CARD14: variants seen among roughly 807,000 people sequenced by gnomAD.
CARD14 encodes caspase recruitment domain family member 14.
Under a neutral mutation model 111.5 loss-of-function variants are expected in CARD14, and 107 were observed. The observed-to-expected ratio is 0.96, with a 90% CI of 0.82 to 1.13. The LOEUF (loss-of-function observed/expected upper bound fraction) is 1.13. Ranked by LOEUF, CARD14 falls within the 50% of genes most tolerant of loss-of-function variation. The pLI, the probability that CARD14 is intolerant of heterozygous loss-of-function variation, is 0.00. For synonymous variants in CARD14, 617 were observed against 579.6 expected, an observed-to-expected ratio of 1.06 and a Z score of -0.93; for missense variants, 1,322 against 1,362.3, an observed-to-expected ratio of 0.97 and a Z score of 0.47.
chr17:80,184,204 T>A lies in CARD14; in HGVS notation c.641T>A (p.Leu214Gln). 1 of 1,548,886 alleles carries A rather than the reference T, an allele frequency of 6.5e-7. No homozygotes were observed. Among genetic ancestry groups the A allele is most frequent in the South Asian group, 1.2e-5 (1 of 83,030 alleles). Residue 214 changes from leucine (L) to glutamine (Q), a missense_variant, in exon 7 of 24, where the codon CTG becomes CAG. Leu to Gln is a moderately radical substitution (Grantham distance 113, BLOSUM62 -2). Coordinates refer to ENST00000648509, the MANE Select transcript of CARD14 (RefSeq NM_001366385.1). ...HYSNALQEKELAASRCRSLQE... is the reference protein window; with the variant it reads ...HYSNALQEKEQAASRCRSLQE... ...AGCAATGCGCTGCAGGAGAAGGAGC[T>A]GGCCGCCTCACGCTGCCGCAGCCTG...
At position 80,170,042 on chromosome 17, in the gene CARD14, C is replaced by T. The variant is rs2039857442; in HGVS notation, c.-704C>T. ...TTGGGCCACATTCAGTCCTCGCTTC[C>T]CTGGGAGGGGGAAGGTAAGTGCGCG... On this transcript the variant is annotated 5_prime_UTR_variant, in exon 1 of 24. Transcript: ENST00000648509. The T allele has an allele frequency of 6.6e-6, 1 of 152,224 alleles. No individual in the cohort carries two copies. 9.4% of individuals were successfully genotyped at this position (152,224 alleles called of 1,614,324 possible).
Position 80,208,516 on chromosome 17 carries a change from C to T in CARD14, c.*171C>T. The T allele has an allele frequency of 1.8e-6, 1 of 562,406 alleles. No individual in the cohort carries two copies. The highest frequency in any genetic ancestry group is 1.9e-5 in the African/African-American group (1 of 53,094). 34.8% of individuals were successfully genotyped at this position (562,406 alleles called of 1,614,324 possible). On this transcript the variant is annotated 3_prime_UTR_variant, in exon 24 of 24. Transcript: ENST00000648509. ...ACCCTCACCACGTGCAGGTCACACACAGTGAAGCCACTTGTAACTGCACAC... is the reference window on the plus strand; with the variant it reads ...ACCCTCACCACGTGCAGGTCACACATAGTGAAGCCACTTGTAACTGCACAC...
chr17:80,187,728 C>T (rs2040391995), intron 7 of CARD14: 2 of 984,636 alleles, frequency 2.0e-6, no homozygotes, highest in East Asian at 1.1e-4. Context: ...TCCTGCCTCC[C>T]CAGGGCTGCC....
intron 22 of CARD14, among the ~76,000 whole-genome samples, chr17:80,206,421 C>T (rs899824272): frequency 6.6e-6 from 1 of 152,182 alleles, no homozygotes; most frequent in African/African-American, 2.4e-5. Context: ...TGAGACCAGC[C>T]TGAGCAACAC....
chr17:80,174,498 C>T (rs1598622381), intron 2 of CARD14, among the ~76,000 whole-genome samples: 1 of 152,316 alleles, frequency 6.6e-6, no homozygotes, highest in Middle Eastern at 3.4e-3. Context: ...CAGGCGTGAG[C>T]CACGTCGCCT....
chr17:80,198,449 C>G lies in CARD14; in HGVS notation c.1709C>G (p.Thr570Ser). The G allele has an allele frequency of 6.2e-7, 1 of 1,611,936 alleles. No individual in the cohort carries two copies. Among genetic ancestry groups the G allele is most frequent in the Non-Finnish European group, 8.5e-7 (1 of 1,178,894 alleles). The change falls in exon 16 of 24, where the codon ACC becomes AGC. Residue 570 changes from threonine to serine, a missense_variant. Transcript: ENST00000648509. This position sits in a 1 kb window ranked among gnomAD's most constrained non-coding sequence, Gnocchi z 7.5. ...GCCCGCAGGATCCTGAGCCAGGTCA[C>G]CATGCTGGCGTTCCAGGGGGATGCA... ...RPARRILSQV[T>S]MLAFQGDALL... is the part of the protein sequence containing the mutation.
chr17:80,184,632 C>T (rs2040283508), intron 7 of CARD14, among the ~76,000 whole-genome samples: 1 of 152,146 alleles, frequency 6.6e-6, no homozygotes, highest in Admixed American at 6.5e-5. Context: ...CTCCTTTGTC[C>T]TTCTCAGCTG....
chr17:80,180,469 C>A (rs2040135030), intron 4 of CARD14, among the ~76,000 whole-genome samples: 1 of 152,228 alleles, frequency 6.6e-6, no homozygotes, highest in East Asian at 1.9e-4. Flanking sequence ...CAGTGTCACT[C>A]CCCAGCACAT....
At chr17:80,190,725 A>C (rs1598654897) in intron 9 of CARD14, 49 bp from the exon 10 acceptor site, 1 of 1,606,722 alleles carries the variant, frequency 6.2e-7, no homozygotes, top group East Asian at 2.2e-5. Context: ...CTAAGGCCAG[A>C]CCCTCAGAGC....
intron 11 of CARD14, 96 bp downstream of exon 11, chr17:80,191,568 G>A: frequency 6.7e-7 from 1 of 1,491,598 alleles, no homozygotes; most frequent in South Asian, 1.2e-5. Context: ...GGAGGCACTG[G>A]GAGGACAGGC....
chr17:80,195,736 C>G lies in CARD14; in HGVS notation c.1594+84C>G. 8.5e-7 allele frequency: 1 copy of G among 1,172,532 alleles called. No individual in the cohort carries two copies. The highest frequency in any genetic ancestry group is 1.2e-6 in the Non-Finnish European group (1 of 818,720). The allele number at this position is 1,172,532 out of a possible 1,614,324, so 72.6% of individuals were successfully genotyped here. A position where few individuals can be genotyped will look rare whatever the true frequency, so the allele number is the denominator to read the frequency against. Reference sequence around the variant, plus strand: ...AGCTGATGAGAAAGCCGGGGCCTCTCTCCAGGGAAAGGGCAGATAGAAGCA... The same window carrying G: ...AGCTGATGAGAAAGCCGGGGCCTCTGTCCAGGGAAAGGGCAGATAGAAGCA... On this transcript the variant is annotated intron_variant, in intron 14 of 23. Coordinates refer to ENST00000648509, the MANE Select transcript of CARD14 (RefSeq NM_001366385.1). This position sits in a 1 kb window ranked among gnomAD's most constrained non-coding sequence, Gnocchi z 4.7.
At position 80,198,804 on chromosome 17, in the gene CARD14, T is replaced by C. The variant is rs760981521; in HGVS notation, c.1851+213T>C. The C allele has an allele frequency of 1.3e-6, 2 of 1,484,538 alleles. No individual in the cohort carries two copies. The highest frequency in any genetic ancestry group is 1.4e-5 in the South Asian group (1 of 71,712). 92.0% of individuals were successfully genotyped at this position (1,484,538 alleles called of 1,614,324 possible). A position where few individuals can be genotyped will look rare whatever the true frequency, so the allele number is the denominator to read the frequency against. On this transcript the variant is annotated intron_variant, in intron 16 of 23. Transcript: ENST00000648509. This position sits in a 1 kb window ranked among gnomAD's most constrained non-coding sequence, Gnocchi z 7.5. ...CCCAGCATGTCACCCGTGGTGCTGC[T>C]GCCATGCGGCGCTTCTGACCAGGGG...
intron 7 of CARD14, among the ~76,000 whole-genome samples, chr17:80,185,847 A>G (rs2040327339): frequency 6.6e-6 from 1 of 152,142 alleles, no homozygotes; most frequent in Non-Finnish European, 1.5e-5. Flanking sequence ...CCACATGTAT[A>G]CAGAAATTAT....
Position 80,203,469 on chromosome 17 carries a change from G to T in CARD14, c.2220-353G>T. Reference sequence around the variant, plus strand: ...GGCCTGGCACTCTGCATTTCTAACAGCTCTCTCGGTGACTCCAGGCTGCAG... The same window carrying T: ...GGCCTGGCACTCTGCATTTCTAACATCTCTCTCGGTGACTCCAGGCTGCAG... On this transcript the variant is annotated intron_variant, in intron 18 of 23. Transcript: ENST00000648509. This position sits in a 1 kb window ranked among gnomAD's most constrained non-coding sequence, Gnocchi z 4.6. The T allele has an allele frequency of 4.3e-6, 1 of 232,442 alleles. No individual in the cohort carries two copies. The highest frequency in any genetic ancestry group is 8.3e-6 in the Non-Finnish European group (1 of 120,258). The allele number at this position is 232,442 out of a possible 1,614,324, so 14.4% of individuals were successfully genotyped here. A position where few individuals can be genotyped will look rare whatever the true frequency, so the allele number is the denominator to read the frequency against.
In CARD14 at chr17:80,198,065, G is replaced by T. The variant is rs1322602563; in HGVS notation, c.1595-34G>T. The stretch of plus-strand genomic sequence containing the variant: ...CAGGACGCCCCATCAGCAGTGGGGT[G>T]ACCAAGATCTGTGAGCTCTTGGCTT... On this transcript the variant is annotated intron_variant, in intron 14 of 23. Transcript: ENST00000648509. The surrounding 1 kb of genome is among the most constrained non-coding windows in gnomAD (Gnocchi z 7.5). The T allele has an allele frequency of 1.9e-6, 3 of 1,611,592 alleles. No individual in the cohort carries two copies. Among genetic ancestry groups the T allele is most frequent in the African/African-American group, 2.7e-5 (2 of 74,852 alleles).
At position 80,208,444 on chromosome 17, in the gene CARD14, T is replaced by C; in HGVS notation, c.*99T>C. The C allele has an allele frequency of 1.7e-6, 2 of 1,152,554 alleles. No individual in the cohort carries two copies. The highest frequency in any genetic ancestry group is 2.4e-6 in the Non-Finnish European group (2 of 836,800). The allele number at this position is 1,152,554 out of a possible 1,614,324, so 71.4% of individuals were successfully genotyped here. A position where few individuals can be genotyped will look rare whatever the true frequency, so the allele number is the denominator to read the frequency against. On this transcript the variant is annotated 3_prime_UTR_variant, in exon 24 of 24. Coordinates refer to ENST00000648509, the MANE Select transcript of CARD14 (RefSeq NM_001366385.1). ...CCCTCTTGGCACAGCTGTGGGCTCC[T>C]TGGCACATGAGGCCGGCTCTCCCCA...
At chr17:80,174,698 C>A (rs79039794) in intron 2 of CARD14, among the ~76,000 whole-genome samples, 2 of 152,214 alleles carry the variant, frequency 1.3e-5, no homozygotes, top group East Asian at 3.9e-4. Flanking sequence ...CAGTGGTTGC[C>A]CTGCGCTGAG....
chr17:80,206,824 C>A, intron 22 of CARD14, 146 bp from the exon 23 acceptor site: 2 of 465,858 alleles, frequency 4.3e-6, no homozygotes, highest in South Asian at 4.4e-5. Context: ...GCTCTATTCC[C>A]TCATCTCCTC....
At position 80,182,874 on chromosome 17, in the gene CARD14, C is replaced by T. The variant is rs188854006; in HGVS notation, c.349+84C>T. On this transcript the variant is annotated intron_variant, in intron 6 of 23. Coordinates refer to ENST00000648509, the MANE Select transcript of CARD14 (RefSeq NM_001366385.1). This position sits in a 1 kb window ranked among gnomAD's most constrained non-coding sequence, Gnocchi z 4.7. ...AACCCCAGGTGCCCCGCTTACTTGC[C>T]GATTTGCCCTACTCCCCCTTCCCTC... 19 of 1,531,142 alleles carry T rather than the reference C, an allele frequency of 1.2e-5. No homozygotes were observed. Among genetic ancestry groups the T allele is most frequent in the African/African-American group, 6.9e-5 (5 of 72,920 alleles). The allele number at this position is 1,531,142 out of a possible 1,614,324, so 94.8% of individuals were successfully genotyped here. A position where few individuals can be genotyped will look rare whatever the true frequency, so the allele number is the denominator to read the frequency against.
Sources: gnomAD v4.1 joint callset for allele counts (sites outside exome capture counted in the v4.1 genomes callset) on GRCh38, gnomAD v4.1.1 for gene constraint, Gnocchi (gnomAD v3.1) non-coding constraint, MANE v1.5 for transcripts, NCBI Gene and HGNC (gene_info 2026-07-23, HGNC 2026-07-21) for gene names.